Variants in TIAM1 observed in about 807,000 individuals in gnomAD.
The protein encoded by TIAM1 is rho guanine nucleotide exchange factor TIAM1.
TIAM1 carries 65 observed loss-of-function variants against 163.5 expected under a neutral mutation model. That is an observed-to-expected ratio of 0.40 (90% confidence interval 0.33 to 0.49). The LOEUF (loss-of-function observed/expected upper bound fraction) is 0.49. Ranked by LOEUF, TIAM1 falls within the 20% of genes least tolerant of loss-of-function variation. TIAM1 has a pLI of 0.77. For missense variants in TIAM1, 1,789 were observed against 2,044.7 expected, an observed-to-expected ratio of 0.87 and a Z score of 2.41; for synonymous variants, 833 against 810.1, an observed-to-expected ratio of 1.03 and a Z score of -0.48.
rs533239802 is a variant in TIAM1 at position 31,154,399 on chromosome 21, G to A, written c.3019C>T (p.Arg1007Cys). The change falls in exon 17 of 28, where the codon CGC (arginine) becomes TGC (cysteine). Residue 1007 changes from arginine to cysteine, a missense_variant. Transcript: ENST00000541036. ...GAGGGGTTCATCTCATGCAAACTGCGGCAAAATGCGGCCACCTGTTCTGTA... is the reference window on the plus strand; with the variant it reads ...GAGGGGTTCATCTCATGCAAACTGCAGCAAAATGCGGCCACCTGTTCTGTA... ...KSTEQVAAFCRSLHEMNPSDQ... is the reference protein window; with the variant it reads ...KSTEQVAAFCCSLHEMNPSDQ... 5.6e-6 allele frequency: 9 copies of A among 1,614,000 alleles called. No homozygotes were observed. Among genetic ancestry groups the A allele is most frequent in the Non-Finnish European group, 5.9e-6 (7 of 1,179,982 alleles).
At chr21:31,541,451 TG>T (rs2048321623) in intron 1 of TIAM1, among the ~76,000 whole-genome samples, 1 of 151,784 alleles carries the variant, frequency 6.6e-6, no homozygotes, top group Non-Finnish European at 1.5e-5. Context: ...AGTGAGACCC[TG>T]TCTCAAAAAG....
rs752756769 is a variant in TIAM1 at position 31,252,131 on chromosome 21, G to A, written c.1022C>T (p.Thr341Ile). 6.2e-7 allele frequency: 1 copy of A among 1,612,388 alleles called. No individual in the cohort carries two copies. Among genetic ancestry groups the A allele is most frequent in the Admixed American group, 1.7e-5 (1 of 60,030 alleles). ...FADSGIEGAT[T>I]DTDLLSRRSN... Reference sequence around the variant, plus strand: ...TCGCCTGGACAGGAGGTCCGTGTCGGTAGTGGCCCCTTCAATCCCACTGTC... The same window carrying A: ...TCGCCTGGACAGGAGGTCCGTGTCGATAGTGGCCCCTTCAATCCCACTGTC... Residue 341 changes from threonine to isoleucine, a missense_variant, in exon 5 of 28, where the codon ACC becomes ATC. Thr to Ile is a moderately conservative substitution (Grantham distance 89, BLOSUM62 -1). Transcript: ENST00000541036.
At position 31,395,713 on chromosome 21, in the gene TIAM1, T is replaced by C. The variant is rs748759809; in HGVS notation, c.-368-56291A>G. Among the ~76,000 whole-genome samples, 2 of 152,126 alleles carry C rather than the reference T, an allele frequency of 1.3e-5. No homozygotes were observed. Among genetic ancestry groups the C allele is most frequent in the Non-Finnish European group, 2.9e-5 (2 of 68,008 alleles). On this transcript the variant is annotated intron_variant, in intron 2 of 28. Coordinates refer to the TIAM1 transcript ENST00000286827. The surrounding 1 kb of genome is among the most constrained non-coding windows in gnomAD (Gnocchi z 7.5). ...CTATCTTGGGGAGGGGGCGCATGCG[T>C]TCCCCTGGCTGTCGCGTGAAAATTT...
intron 15 of TIAM1, among the ~76,000 whole-genome samples, chr21:31,170,809 A>AGGC (rs2084466254): frequency 6.6e-6 from 1 of 151,928 alleles, no homozygotes; most frequent in Non-Finnish European, 1.5e-5. Context: ...AGGCAGAGGC[A>AGGC]GGCGGATCAT....
In TIAM1 at chr21:31,221,211, A is replaced by ACAAAT. The variant is rs1401579072; in HGVS notation, c.1995+2194_1995+2195insATTTG. Among the ~76,000 whole-genome samples the ACAAAT allele has an allele frequency of 2.0e-5, 3 of 152,218 alleles. No individual in the cohort carries two copies. In the Middle Eastern group the frequency reaches 9.5e-3, roughly 482 times the overall value. ...TGCCCGGGATCTTCCACAGGAGCTAAAGCAACAAATAGGAACAGACACCCA... is the reference window on the plus strand; with the variant it reads ...TGCCCGGGATCTTCCACAGGAGCTAACAAATAGCAACAAATAGGAACAGACACCCA... On this transcript the variant is annotated intron_variant, in intron 8 of 27. Transcript: ENST00000541036.
intron 13 of TIAM1, 95 bp from the exon 14 acceptor site, chr21:31,187,182 T>G: frequency 2.6e-6 from 3 of 1,133,052 alleles, no homozygotes; most frequent in Non-Finnish European, 4.0e-6. Context: ...GTATGTTTCA[T>G]GTTTGTCATT....
intron 5 of TIAM1, among the ~76,000 whole-genome samples, chr21:31,250,944 A>G (rs2071769973): frequency 6.6e-6 from 1 of 152,362 alleles, no homozygotes; most frequent in South Asian, 2.1e-4. Context: ...ATACACAGTC[A>G]AAAACACAAA....
intron 10 of TIAM1, among the ~76,000 whole-genome samples, chr21:31,210,623 AAG>A (rs1491124185): frequency 9.9e-5 from 2 of 20,198 alleles, no homozygotes; most frequent in South Asian, 3.9e-3. Flanking sequence ...GGGAGAAAGA[AAG>A]AAAGAAAGAA....
At chr21:31,326,213 T>C (rs151287813) in intron 2 of TIAM1, among the ~76,000 whole-genome samples, 20 of 152,290 alleles carry the variant, frequency 1.3e-4, no homozygotes, top group African/African-American at 4.6e-4. Flanking sequence ...ATTTTTCTTA[T>C]AGAATGCCCC....
intron 2 of TIAM1, among the ~76,000 whole-genome samples, chr21:31,382,484 TGAAA>T (rs1279507554): frequency 1.3e-5 from 2 of 152,230 alleles, no homozygotes; most frequent in Non-Finnish European, 2.9e-5. Context: ...ATGTATCTCA[TGAAA>T]GAAAGCAAGA....
chr21:31,556,739 T>A (rs1228564438), intron 1 of TIAM1, among the ~76,000 whole-genome samples: 2 of 152,230 alleles, frequency 1.3e-5, no homozygotes, highest in Non-Finnish European at 2.9e-5. Flanking sequence ...AAATTGATTC[T>A]CTTCTACCTT....
chr21:31,132,309 ACT>A (rs1486222680), intron 23 of TIAM1, among the ~76,000 whole-genome samples: 2 of 151,778 alleles, frequency 1.3e-5, no homozygotes, highest in Non-Finnish European at 2.9e-5. Context: ...AAAGAAACTG[ACT>A]CCAGCCACTC....
rs117885784 is a variant in TIAM1 at position 31,127,304 on chromosome 21, G to A, written c.4046-152C>T. ...TTTTCCTACTATTTCACAATCTAAA[G>A]AGATGAAGCGACTGAAAGCTTAATG... On this transcript the variant is annotated intron_variant, in intron 25 of 27. Coordinates refer to ENST00000541036, the MANE Select transcript of TIAM1 (RefSeq NM_001353694.2). 4,123 of 694,802 alleles carry A rather than the reference G, an allele frequency of 5.9e-3. 20 individuals are homozygous for A. Among genetic ancestry groups the A allele is most frequent in the Non-Finnish European group, 8.3e-3 (3,561 of 426,500 alleles). 43.0% of individuals were successfully genotyped at this position (694,802 alleles called of 1,614,324 possible).
intron 2 of TIAM1, among the ~76,000 whole-genome samples, chr21:31,297,942 C>G (rs1051653393): frequency 6.6e-6 from 1 of 152,078 alleles, no homozygotes. Flanking sequence ...TATATTATGG[C>G]AATAAAAACA....
chr21:31,523,029 C>T (rs916104395), intron 1 of TIAM1, among the ~76,000 whole-genome samples: 2 of 152,168 alleles, frequency 1.3e-5, no homozygotes, highest in African/African-American at 2.4e-5. Flanking sequence ...TCATCATTCA[C>T]GGATTTCAAC....
At chr21:31,479,917 G>A (rs985095663) in intron 1 of TIAM1, among the ~76,000 whole-genome samples, 4 of 152,202 alleles carry the variant, frequency 2.6e-5, no homozygotes, top group African/African-American at 7.2e-5. Context: ...GCCCCTACAC[G>A]TGCTCTCACA....
At chr21:31,190,088 C>G in intron 13 of TIAM1, among the ~76,000 whole-genome samples, 1 of 151,924 alleles carries the variant, frequency 6.6e-6, no homozygotes. Context: ...ATCAGGAGAA[C>G]GAAGGAAGTG....
intron 4 of TIAM1, among the ~76,000 whole-genome samples, chr21:31,262,849 A>C (rs1311060657): frequency 6.6e-6 from 1 of 152,298 alleles, no homozygotes; most frequent in East Asian, 1.9e-4. Flanking sequence ...TCACAGATTC[A>C]ACTACATCAT....
At chr21:31,148,203 G>C (rs943861640) in intron 19 of TIAM1, among the ~76,000 whole-genome samples, 1 of 151,866 alleles carries the variant, frequency 6.6e-6, no homozygotes, top group Non-Finnish European at 1.5e-5. Context: ...GTTATCCTTG[G>C]AGCCTGATAT....
Sources: allele counts gnomAD v4.1 joint callset (sites outside exome capture counted in the v4.1 genomes callset), GRCh38; gene constraint gnomAD v4.1.1; non-coding constraint Gnocchi (gnomAD v3.1); transcripts MANE v1.5; gene names NCBI Gene and HGNC (gene_info 2026-07-23, HGNC 2026-07-21).